EPB41L5: variants seen among roughly 807,000 people sequenced by gnomAD.
The protein encoded by EPB41L5 is band 4.1-like protein 5.
In EPB41L5, 55 loss-of-function variants were observed where a neutral mutation model predicts 106.6. The observed-to-expected ratio is 0.52, with a 90% CI of 0.42 to 0.65. The LOEUF (loss-of-function observed/expected upper bound fraction) is 0.65, where lower values mean the gene tolerates loss of function less well. EPB41L5 is among the 30% of genes least tolerant of loss of function. EPB41L5 has a pLI of 0.00. For synonymous variants in EPB41L5, 297 were observed against 306.7 expected (o/e 0.97, Z 0.33); for missense variants, 871 against 882.1 (o/e 0.99, Z 0.16).
At chr2:120,060,539 G>A (rs757311362) in intron 3 of EPB41L5, among the ~76,000 whole-genome samples, 19 of 152,190 alleles carry the variant, frequency 1.2e-4, no homozygotes, top group Non-Finnish European at 2.8e-4. Flanking sequence ...ATGATTCTAT[G>A]TATGTAACAT....
At chr2:120,086,159 C>T (rs1440879808) in intron 10 of EPB41L5, among the ~76,000 whole-genome samples, 3 of 152,214 alleles carry the variant, frequency 2.0e-5, no homozygotes, top group Non-Finnish European at 4.4e-5. Flanking sequence ...CAAGATCACG[C>T]CACTGCACTC....
At chr2:120,019,606 A>G (rs1677789628) in intron 2 of EPB41L5, among the ~76,000 whole-genome samples, 1 of 152,220 alleles carries the variant, frequency 6.6e-6, no homozygotes, top group Non-Finnish European at 1.5e-5. Flanking sequence ...TTGTTGAACC[A>G]TTATTAAAAC....
intron 18 of EPB41L5, among the ~76,000 whole-genome samples, chr2:120,140,226 A>G (rs893914656): frequency 1.3e-5 from 2 of 152,034 alleles, no homozygotes; most frequent in African/African-American, 4.8e-5. Flanking sequence ...AGAATGGGTA[A>G]GAGATAGCAT....
rs370365210 is a variant in EPB41L5, at chr2:120,146,482, A to G, written c.1793+193A>G. The stretch of plus-strand genomic sequence containing the variant: ...GAAGATGTTCCTAATTAGTCTCCCA[A>G]CATTCCCATTTATCTTCAACTGATT... On this transcript the variant is annotated intron_variant, in intron 20 of 24. Coordinates refer to ENST00000263713, the MANE Select transcript of EPB41L5 (RefSeq NM_020909.4). Among the ~76,000 whole-genome samples, 40 of 152,326 alleles carry G rather than the reference A, an allele frequency of 2.6e-4. 2 individuals carry two copies. In the South Asian group the frequency reaches 3.7e-3, roughly 14 times the overall value.
chr2:120,064,163 A>T (rs140608337), intron 3 of EPB41L5, among the ~76,000 whole-genome samples: 1,815 of 152,334 alleles, frequency 0.012, 39 homozygotes, highest in African/African-American at 0.041. Context: ...CTATGTATTC[A>T]TCCTCTCTTT....
In EPB41L5 at chr2:120,175,748, G is replaced by T. The variant is rs930089345; in HGVS notation, c.*841G>T. ...AGCCCGGTGGAGAATGCAGGCTGCTGTAGTCTCAGGTAATGAAGGCACAGC... is the reference window on the plus strand; with the variant it reads ...AGCCCGGTGGAGAATGCAGGCTGCTTTAGTCTCAGGTAATGAAGGCACAGC... On this transcript the variant is annotated 3_prime_UTR_variant, in exon 25 of 25. Coordinates refer to ENST00000263713, the MANE Select transcript of EPB41L5 (RefSeq NM_020909.4). 8.5e-5 allele frequency: 13 copies of T among 152,204 alleles called. No individual in the cohort carries two copies. Among genetic ancestry groups the T allele is most frequent in the African/African-American group, 3.1e-4 (13 of 41,510 alleles). The allele number at this position is 152,204 out of a possible 1,614,324, so 9.4% of individuals were successfully genotyped here.
chr2:120,167,725 A>G, intron 23 of EPB41L5, 152 bp from the exon 24 acceptor site: 1 of 1,086,952 alleles, frequency 9.2e-7, no homozygotes, highest in Non-Finnish European at 1.3e-6. Flanking sequence ...GTCTCAGATG[A>G]AGAATAGTTA....
intron 16 of EPB41L5, among the ~76,000 whole-genome samples, chr2:120,127,348 G>A (rs1302683357): frequency 6.6e-6 from 1 of 152,068 alleles, no homozygotes; most frequent in Non-Finnish European, 1.5e-5. Context: ...TATCCATGGA[G>A]GATAGATTCC....
chr2:120,104,411 T>G (rs1175188976), intron 16 of EPB41L5: 7 of 1,385,622 alleles, frequency 5.1e-6, no homozygotes, highest in Non-Finnish European at 5.6e-6. Context: ...GGACAAGGAA[T>G]CAAGGAAGCC....
intron 1 of EPB41L5, among the ~76,000 whole-genome samples, chr2:120,018,670 AG>A (rs1677712109): frequency 6.6e-6 from 1 of 151,780 alleles, no homozygotes; most frequent in South Asian, 2.1e-4. Flanking sequence ...TTTTTGAGAC[AG>A]GGTCTTGCTC....
rs368207376 is a variant in EPB41L5, at chr2:120,059,860, G to A, written c.286-13318G>A. ...CAGCCACTGCACCTCAAACCTGGGC[G>A]ACAGAGCGAAACCGTGTCTCAACCA... On this transcript the variant is annotated intron_variant, in intron 3 of 24. Coordinates refer to ENST00000263713, the MANE Select transcript of EPB41L5 (RefSeq NM_020909.4). Among the ~76,000 whole-genome samples the A allele has an allele frequency of 1.8e-4, 28 of 152,290 alleles. 1 individual carries two copies. The East Asian group carries it at 1.9e-3, about 10-fold the overall frequency.
intron 14 of EPB41L5, among the ~76,000 whole-genome samples, chr2:120,094,466 GT>G (rs72363835): frequency 0.27 from 36,564 of 137,246 alleles, 4,851 homozygotes; most frequent in South Asian, 0.37. Context: ...AGTATTTTGA[GT>G]TTTTTTTTTT....
At chr2:120,013,765 G>C (rs1677310227) in intron 1 of EPB41L5, 1 of 152,190 alleles carries the variant, frequency 6.6e-6, no homozygotes, top group African/African-American at 2.4e-5. Context: ...GGGTTCTTTG[G>C]TGTGTAAATG....
chr2:120,018,284 T>G (rs945470547), intron 1 of EPB41L5, among the ~76,000 whole-genome samples: 4 of 152,054 alleles, frequency 2.6e-5, no homozygotes, highest in African/African-American at 9.7e-5. Flanking sequence ...AGAATTTTTA[T>G]GATCATCAAA....
chr2:120,081,736 C>A (rs1233403611), intron 10 of EPB41L5, among the ~76,000 whole-genome samples: 1 of 152,122 alleles, frequency 6.6e-6, no homozygotes, highest in Non-Finnish European at 1.5e-5. Flanking sequence ...TCTTCCTATC[C>A]ATGAGCATGG....
At chr2:120,068,405 C>T (rs182393614) in intron 3 of EPB41L5, among the ~76,000 whole-genome samples, 2 of 152,334 alleles carry the variant, frequency 1.3e-5, no homozygotes, top group Admixed American at 1.3e-4. Flanking sequence ...GCCAAGTGGT[C>T]TAGCTCAGTG....
intron 2 of EPB41L5, among the ~76,000 whole-genome samples, chr2:120,037,658 G>GA (rs1344165956): frequency 2.5e-4 from 36 of 143,670 alleles, no homozygotes; most frequent in South Asian, 6.6e-4. Flanking sequence ...CTCTACAAAA[G>GA]AAAAAAAAAA....
At chr2:120,054,016 TC>T (rs1209414698) in intron 3 of EPB41L5, among the ~76,000 whole-genome samples, 1 of 152,188 alleles carries the variant, frequency 6.6e-6, no homozygotes, top group African/African-American at 2.4e-5. Flanking sequence ...CATTCCACAC[TC>T]CCTACCAGCA....
chr2:120,022,131 A>G (rs1677975611), intron 2 of EPB41L5, among the ~76,000 whole-genome samples: 1 of 152,212 alleles, frequency 6.6e-6, no homozygotes, highest in African/African-American at 2.4e-5. Flanking sequence ...AAACCCTTAT[A>G]AGTTTTAAAT....
Sources: gnomAD v4.1 joint callset for allele counts (sites outside exome capture counted in the v4.1 genomes callset) on GRCh38, gnomAD v4.1.1 for gene constraint, MANE v1.5 for transcripts, NCBI Gene and HGNC (gene_info 2026-07-23, HGNC 2026-07-21) for gene names.